The following IFT172 variants were observed in gnomAD, a reference collection of about 807,000 sequenced individuals.
IFT172 encodes intraflagellar transport protein 172 homolog.
In IFT172, 164 loss-of-function variants were observed where a neutral mutation model predicts 248.9. That is an observed-to-expected ratio of 0.66 (90% CI 0.58 to 0.75). IFT172 has a LOEUF of 0.75. IFT172 is among the 30% of genes least tolerant of loss of function. The pLI is 0.00. For missense variants in IFT172, 1,950 were observed against 2,192.4 expected (o/e 0.89, Z 2.21); for synonymous variants, 729 against 791.6 (o/e 0.92, Z 1.33).
intron 26 of IFT172, 22 bp from the exon 27 acceptor site, chr2:27,458,245 G>A (rs1666335331): frequency 2.5e-6 from 4 of 1,601,780 alleles, no homozygotes; most frequent in Non-Finnish European, 3.4e-6. Flanking sequence ...CAGAGGCAAG[G>A]CAGCCTCAGA....
rs777573615 is a variant in IFT172, at chr2:27,449,377, C to A, written c.4228G>T (p.Val1410Leu). 100 of 1,614,016 alleles carry A rather than the reference C, an allele frequency of 6.2e-5. No homozygotes were observed. In the East Asian group the frequency reaches 2.1e-3, roughly 35 times the overall value. Reference sequence around the variant, plus strand: ...AAAGCAGCTATCACATCCACACCCACCAGCTGGGTCAATGGAAGACAGAGT... The same window carrying A: ...AAAGCAGCTATCACATCCACACCCAACAGCTGGGTCAATGGAAGACAGAGT... ...LKNQGKVDSL[V>L]GVDVIAALDL... Residue 1410 changes from valine (V) to leucine (L), a missense_variant, in exon 39 of 48, where the codon GTG (valine) becomes TTG (leucine). Coordinates refer to ENST00000260570, the MANE Select transcript of IFT172 (RefSeq NM_015662.3).
chr2:27,446,981 G>C (rs1288805164), intron 42 of IFT172, among the ~76,000 whole-genome samples: 1 of 151,962 alleles, frequency 6.6e-6, no homozygotes, highest in Non-Finnish European at 1.5e-5. Flanking sequence ...TTACAGGCGT[G>C]AGCCACCGCG....
At chr2:27,459,630 T>G in intron 24 of IFT172, 79 bp downstream of exon 24, 2 of 1,603,302 alleles carry the variant, frequency 1.2e-6, no homozygotes, top group Non-Finnish European at 1.7e-6. Context: ...ATCTCTTCTT[T>G]AAGGCCTTGG....
At position 27,476,505 on chromosome 2, in the gene IFT172, C is replaced by A. The variant is rs576280855; in HGVS notation, c.1411+136G>T. Reference sequence around the variant, plus strand: ...ATTGACTTAAACATTTCATATATATCCACTGTACATGTGGAGTTACTATTT... The same window carrying A: ...ATTGACTTAAACATTTCATATATATACACTGTACATGTGGAGTTACTATTT... On this transcript the variant is annotated intron_variant, in intron 14 of 47. Transcript: ENST00000260570. 36 of 595,340 alleles carry A rather than the reference C, an allele frequency of 6.0e-5. 1 individual carries two copies. In the East Asian group the frequency reaches 1.0e-3, roughly 17 times the overall value. 36.9% of individuals were successfully genotyped at this position (595,340 alleles called of 1,614,324 possible).
At chr2:27,486,413 C>T (rs944499626) in intron 1 of IFT172, among the ~76,000 whole-genome samples, 1 of 152,256 alleles carries the variant, frequency 6.6e-6, no homozygotes, top group Non-Finnish European at 1.5e-5. Context: ...ACCCTTCCAA[C>T]ACTAGCTCTG....
Position 27,457,682 on chromosome 2 carries a change from A to G in IFT172, c.3185T>C (p.Val1062Ala). Residue 1062 changes from valine (V) to alanine (A), a missense_variant, in exon 29 of 48, where the codon GTG becomes GCG. Coordinates refer to ENST00000260570, the MANE Select transcript of IFT172 (RefSeq NM_015662.3). ...YLEAQEWKATVNMYRASGLWE... is the reference protein window; with the variant it reads ...YLEAQEWKATANMYRASGLWE... ...AAGCCCACTGGCCCGGTACATGTTC[A>G]CTGTTGCCTTCCATTCCTGGGCCTC... is the stretch of plus-strand genomic sequence containing the variant. 6.2e-7 allele frequency: 1 copy of G among 1,614,154 alleles called. No homozygotes were observed. The highest frequency in any genetic ancestry group is 2.2e-5 in the East Asian group (1 of 44,874).
intron 1 of IFT172, among the ~76,000 whole-genome samples, chr2:27,489,331 G>T (rs777795924): frequency 4.6e-5 from 7 of 152,214 alleles, no homozygotes; most frequent in Non-Finnish European, 8.8e-5. Flanking sequence ...TCTAATACGA[G>T]CCTCCTGAAG....
Position 27,483,392 on chromosome 2 carries a change from G to A in IFT172, c.483-16C>T. 1 of 1,545,410 alleles carries A rather than the reference G, an allele frequency of 6.5e-7. No individual in the cohort carries two copies. Among genetic ancestry groups the A allele is most frequent in the Non-Finnish European group, 8.9e-7 (1 of 1,117,842 alleles). On this transcript the variant is annotated splice_polypyrimidine_tract_variant and intron_variant, in intron 6 of 47. Coordinates refer to ENST00000260570, the MANE Select transcript of IFT172 (RefSeq NM_015662.3). ...CCCAGAGCAACTAAAAAAGGAGAAAGGAGAGAAATACAGGAAGAGACTATT... is the reference window on the plus strand; with the variant it reads ...CCCAGAGCAACTAAAAAAGGAGAAAAGAGAGAAATACAGGAAGAGACTATT...
chr2:27,472,349 A>G lies in IFT172; in HGVS notation c.1425T>C (p.Gly475=), dbSNP rs1667636419. ...IKTIAIVDLI[G]GYNIGTVSHE... ...GGCTGACGGTGCCAATGTTGTAGCCACCAATCAGATCCACTATAGAATAAA... is the reference window on the plus strand; with the variant it reads ...GGCTGACGGTGCCAATGTTGTAGCCGCCAATCAGATCCACTATAGAATAAA... Residue 475 remains glycine, a synonymous_variant, in exon 15 of 48, where the codon GGT becomes GGC. Transcript: ENST00000260570. 6.2e-7 allele frequency: 1 copy of G among 1,613,800 alleles called. No homozygotes were observed. Among genetic ancestry groups the G allele is most frequent in the Non-Finnish European group, 8.5e-7 (1 of 1,179,794 alleles).
intron 14 of IFT172, among the ~76,000 whole-genome samples, chr2:27,473,192 C>T (rs1667701544): frequency 6.6e-6 from 1 of 151,262 alleles, no homozygotes; most frequent in Non-Finnish European, 1.5e-5. Flanking sequence ...CATGGTGAAA[C>T]CCTGTCTCTA....
At chr2:27,487,131 G>C (rs1668821139) in intron 1 of IFT172, among the ~76,000 whole-genome samples, 2 of 152,046 alleles carry the variant, frequency 1.3e-5, no homozygotes, top group African/African-American at 4.8e-5. Flanking sequence ...TTTTGGTAGA[G>C]ACATGGTTTC....
intron 47 of IFT172, 70 bp from the exon 48 acceptor site, chr2:27,444,591 G>T: frequency 8.3e-7 from 1 of 1,205,384 alleles, no homozygotes; most frequent in Non-Finnish European, 1.2e-6. Context: ...TCCATCGCAG[G>T]CTTCAGGGTC....
At position 27,449,366 on chromosome 2, in the gene IFT172, A is replaced by C. The variant is rs748345321; in HGVS notation, c.4239T>G (p.Asp1413Glu). 6 of 1,614,032 alleles carry C rather than the reference A, an allele frequency of 3.7e-6. No individual in the cohort carries two copies. In the Admixed American group the frequency reaches 8.3e-5, roughly 22 times the overall value. Residue 1413 changes from aspartate to glutamate, a missense_variant, in exon 39 of 48, where the codon GAT becomes GAG. Transcript: ENST00000260570. Reference protein sequence around the residue: ...QGKVDSLVGVDVIAALDLYVE... With the variant: ...QGKVDSLVGVEVIAALDLYVE... ...CATACAGGTCCAAAGCAGCTATCAC[A>C]TCCACACCCACCAGCTGGGTCAATG...
intron 25 of IFT172, 80 bp from the exon 26 acceptor site, chr2:27,458,948 G>T: frequency 6.8e-7 from 1 of 1,478,900 alleles, no homozygotes; most frequent in Non-Finnish European, 9.3e-7. Context: ...ACAAACCTTG[G>T]CTGGGATGGT....
intron 17 of IFT172, 53 bp downstream of exon 17, chr2:27,465,693 C>T: frequency 9.9e-6 from 16 of 1,610,960 alleles, no homozygotes; most frequent in South Asian, 2.2e-5. Flanking sequence ...AGGTCCTCCC[C>T]TCTCAGAACC....
chr2:27,464,603 A>C (rs1666944087), intron 18 of IFT172, among the ~76,000 whole-genome samples: 1 of 152,110 alleles, frequency 6.6e-6, no homozygotes, highest in Non-Finnish European at 1.5e-5. Context: ...AAATAATAAA[A>C]GACATACTCT....
rs763923637 is a variant in IFT172 at position 27,483,655 on chromosome 2, C to T, written c.407G>A (p.Arg136His). 21 of 1,613,870 alleles carry T rather than the reference C, an allele frequency of 1.3e-5. No individual in the cohort carries two copies. The highest frequency in any genetic ancestry group is 3.3e-5 in the South Asian group (3 of 91,072). The change falls in exon 6 of 48, where the codon CGT becomes CAT. Residue 136 changes from arginine (R) to histidine (H), a missense_variant. Transcript: ENST00000260570. ...IVFGLAEGKV[R>H]LANTKTNKSS... is the part of the protein sequence containing the mutation. ...TTTATTAGTTTTGGTGTTTGCTAAA[C>T]GAACCTGAAAATGGAAAAATTGATA...
At chr2:27,466,114 G>A (rs1054629348) in intron 16 of IFT172, 1 of 544,272 alleles carries the variant, frequency 1.8e-6, no homozygotes, top group African/African-American at 1.9e-5. Context: ...GGTATAAAGT[G>A]TGGCATTCAC....
Position 27,483,347 on chromosome 2 carries a change from T to C in IFT172, c.512A>G (p.His171Arg), listed in dbSNP as rs748845217. ...NCSGKGILSG[H>R]ADGTIVRYFF... ...ATACCTAACGATGGTACCATCTGCA[T>C]GACCAGAGAGAATTCCTTTCCCAGA... The change falls in exon 7 of 48, where the codon CAT (histidine) becomes CGT (arginine). Residue 171 changes from histidine to arginine, a missense_variant. Around this residue, in one of 3 missense-constraint regions of IFT172, gnomAD observed 1,166 missense variants for 1,254.1 expected, o/e 0.93. Transcript: ENST00000260570. 3 of 1,607,896 alleles carry C rather than the reference T, an allele frequency of 1.9e-6. No individual in the cohort carries two copies. The highest frequency in any genetic ancestry group is 2.6e-6 in the Non-Finnish European group (3 of 1,174,326).
Sources: allele counts gnomAD v4.1 joint callset (sites outside exome capture counted in the v4.1 genomes callset), GRCh38; gene constraint gnomAD v4.1.1; regional missense constraint gnomAD v4.1.1; transcripts MANE v1.5; gene names NCBI Gene and HGNC (gene_info 2026-07-23, HGNC 2026-07-21).